Variants in ZNF831 observed in about 807,000 individuals in gnomAD.
ZNF831 encodes zinc finger protein 831, also known as chromosome 20 open reading frame 174.
ZNF831 carries 59 observed loss-of-function variants against 95.8 expected under a neutral mutation model. The ratio of observed to expected loss-of-function variants is 0.62; its 90% CI spans 0.50 to 0.77. ZNF831 has a LOEUF of 0.77. Among genes scored for constraint, ZNF831 ranks in the 30% least tolerant of loss-of-function variants. The probability of loss-of-function intolerance (pLI) is 0.00; values close to 1 mark genes in which losing one functional copy is unlikely to be tolerated. For synonymous variants in ZNF831, 961 were observed against 925.5 expected (o/e 1.04, Z -0.70); for missense variants, 2,205 against 2,164.0 (o/e 1.02, Z -0.38).
intron 4 of ZNF831, among the ~76,000 whole-genome samples, chr20:59,237,070 A>T (rs1047143779): frequency 6.6e-6 from 1 of 152,154 alleles, no homozygotes; most frequent in African/African-American, 2.4e-5. Context: ...ATCTTTTCCC[A>T]GTCTCATTTC....
At chr20:59,201,313 C>T (rs1465774335) in intron 3 of ZNF831, among the ~76,000 whole-genome samples, 7 of 152,162 alleles carry the variant, frequency 4.6e-5, no homozygotes, top group Middle Eastern at 6.8e-3. Context: ...AAATCTTTTG[C>T]GCATCAAAAA....
At chr20:59,240,526 G>A (rs1987266528) in intron 4 of ZNF831, among the ~76,000 whole-genome samples, 1 of 152,186 alleles carries the variant, frequency 6.6e-6, no homozygotes, top group African/African-American at 2.4e-5. Context: ...TAGGGGCCGG[G>A]CGCGGTGGCT....
chr20:59,195,701 T>C (rs1984047398), intron 2 of ZNF831, 168 bp from the exon 3 acceptor site: 8 of 916,196 alleles, frequency 8.7e-6, no homozygotes, highest in Non-Finnish European at 1.0e-5. Context: ...AGGAACGCTC[T>C]GCCGTTGCCT....
intron 4 of ZNF831, among the ~76,000 whole-genome samples, chr20:59,212,723 T>A (rs79853524): frequency 6.6e-6 from 1 of 152,172 alleles, no homozygotes; most frequent in Non-Finnish European, 1.5e-5. Flanking sequence ...AGATGTTCTT[T>A]ATGGAGCACT....
intron 2 of ZNF831, among the ~76,000 whole-genome samples, chr20:59,148,841 C>A (rs897587426): frequency 2.6e-5 from 4 of 152,066 alleles, no homozygotes; most frequent in African/African-American, 9.7e-5. Flanking sequence ...ACCTCAGACC[C>A]ACATACCTGG....
At position 59,194,624 on chromosome 20, in the gene ZNF831, C is replaced by A. The variant is rs768793455; in HGVS notation, c.3605C>A (p.Ala1202Glu). Residue 1202 changes from alanine to glutamate, a missense_variant, in exon 2 of 6, where the codon GCG (alanine) becomes GAG (glutamate). Coordinates refer to ENST00000371030, the MANE Select transcript of ZNF831 (RefSeq NM_178457.3). The stretch of plus-strand genomic sequence containing the variant: ...CTGCCCGCGGAGCAGAAGGCAAAGG[C>A]GGCATCTGTGTACTTGGCGGTGCAC... ...VPLPAEQKAK[A>E]ASVYLAVHFP... 6.2e-7 allele frequency: 1 copy of A among 1,613,506 alleles called. No individual in the cohort carries two copies. The highest frequency in any genetic ancestry group is 8.5e-7 in the Non-Finnish European group (1 of 1,179,828).
At position 59,191,008 on chromosome 20, in the gene ZNF831, A is replaced by G. The variant is rs2146541418; in HGVS notation, c.-12A>G. On this transcript the variant is annotated 5_prime_UTR_variant, in exon 2 of 6. Coordinates refer to ENST00000371030, the MANE Select transcript of ZNF831 (RefSeq NM_178457.3). ...GGTTTTCCAGCATTGTGGGCCATCC[A>G]GATGATGCGGAATGGAGGTTCCAGA... 1 of 1,473,642 alleles carries G rather than the reference A, an allele frequency of 6.8e-7. No homozygotes were observed. The highest frequency in any genetic ancestry group is 8.9e-7 in the Non-Finnish European group (1 of 1,120,936). The allele number at this position is 1,473,642 out of a possible 1,614,324, so 91.3% of individuals were successfully genotyped here. A position where few individuals can be genotyped will look rare whatever the true frequency, so the allele number is the denominator to read the frequency against.
intron 2 of ZNF831, among the ~76,000 whole-genome samples, chr20:59,157,017 A>G (rs1601308936): frequency 6.6e-6 from 1 of 152,342 alleles, no homozygotes. Context: ...TTTAATAACC[A>G]CATCAGGGTA....
intron 4 of ZNF831, among the ~76,000 whole-genome samples, chr20:59,209,514 A>G (rs1985142211): frequency 1.3e-5 from 2 of 152,184 alleles, no homozygotes; most frequent in South Asian, 2.1e-4. Context: ...GGGAGTTCAG[A>G]TAGAGTGTAG....
intron 1 of ZNF831, among the ~76,000 whole-genome samples, chr20:59,165,769 G>A (rs1425849111): frequency 6.7e-6 from 1 of 148,672 alleles, no homozygotes; most frequent in African/African-American, 2.5e-5. Flanking sequence ...TTTCTTTTTT[G>A]GAGCTGTAAT....
At chr20:59,190,344 C>T (rs1198747556) in intron 1 of ZNF831, among the ~76,000 whole-genome samples, 1 of 152,226 alleles carries the variant, frequency 6.6e-6, no homozygotes, top group Non-Finnish European at 1.5e-5. Flanking sequence ...ATATTTGGGA[C>T]ATACTCCCAC....
intron 3 of ZNF831, among the ~76,000 whole-genome samples, chr20:59,203,561 G>A (rs554664961): frequency 6.6e-6 from 1 of 152,286 alleles, no homozygotes; most frequent in East Asian, 1.9e-4. Flanking sequence ...GGCATACAAA[G>A]TCTAAAATAT....
chr20:59,254,290 C>T lies in ZNF831; in HGVS notation c.4581C>T (p.Ser1527=). The change falls in exon 6 of 6, where the codon AGC becomes AGT. Residue 1527 remains serine (S), a synonymous_variant. Transcript: ENST00000371030. This position sits in a 1 kb window ranked among gnomAD's most constrained non-coding sequence, Gnocchi z 4.5. The stretch of plus-strand genomic sequence containing the variant: ...CTGCAGGGAGGACTCTGACATCAAG[C>T]TCCCCAGACAGCAAAGTCACAGAAG... The part of the protein sequence containing the change: ...SQTAGRTLTS[S]SPDSKVTEEG... The T allele has an allele frequency of 3.1e-6, 5 of 1,614,022 alleles. No homozygotes were observed. The highest frequency in any genetic ancestry group is 1.1e-5 in the South Asian group (1 of 91,072).
rs2146773258 is a variant in ZNF831 at position 59,254,645 on chromosome 20, C to T, written c.4936C>T (p.Leu1646Phe). 1 of 1,614,112 alleles carries T rather than the reference C, an allele frequency of 6.2e-7. No individual in the cohort carries two copies. Among genetic ancestry groups the T allele is most frequent in the Non-Finnish European group, 8.5e-7 (1 of 1,180,046 alleles). ...AATTCCTGAAGCCCCTTCTAAATCC[C>T]TCAAGAAGAGGAGTCTGGAAGGAAT... ...IEIPEAPSKS[L>F]KKRSLEGMRK... The change falls in exon 6 of 6, where the codon CTC (leucine) becomes TTC (phenylalanine). Residue 1646 changes from leucine (L) to phenylalanine (F), a missense_variant. Physicochemically the swap from Leu to Phe is conservative, Grantham distance 22 (BLOSUM62 0). Transcript: ENST00000371030. The surrounding 1 kb of genome is among the most constrained non-coding windows in gnomAD (Gnocchi z 4.5).
In ZNF831 at chr20:59,254,883, C is replaced by A; in HGVS notation, c.*140C>A. ...AAGCCATTTTGAGTTATTTACAAGC[C>A]AACTCCAACCAACTTCTGACCCCCA... On this transcript the variant is annotated 3_prime_UTR_variant, in exon 6 of 6. Coordinates refer to ENST00000371030, the MANE Select transcript of ZNF831 (RefSeq NM_178457.3). The surrounding 1 kb of genome is among the most constrained non-coding windows in gnomAD (Gnocchi z 4.5). The A allele has an allele frequency of 2.6e-6, 3 of 1,167,980 alleles. No individual in the cohort carries two copies. Among genetic ancestry groups the A allele is most frequent in the Non-Finnish European group, 3.6e-6 (3 of 844,134 alleles). The allele number at this position is 1,167,980 out of a possible 1,614,324, so 72.4% of individuals were successfully genotyped here.
intron 4 of ZNF831, among the ~76,000 whole-genome samples, chr20:59,223,366 C>G (rs1459747794): frequency 6.6e-6 from 1 of 152,198 alleles, no homozygotes; most frequent in Non-Finnish European, 1.5e-5. Flanking sequence ...GTTCCTTCCT[C>G]TCCAGCTTGC....
In ZNF831 at chr20:59,258,948, G is replaced by A. The variant is rs1988299521; in HGVS notation, c.*4205G>A. 1 of 152,234 alleles carries A rather than the reference G, an allele frequency of 6.6e-6. No homozygotes were observed. The highest frequency in any genetic ancestry group is 1.5e-5 in the Non-Finnish European group (1 of 68,030). The allele number at this position is 152,234 out of a possible 1,614,324, so 9.4% of individuals were successfully genotyped here. On this transcript the variant is annotated 3_prime_UTR_variant, in exon 6 of 6. Coordinates refer to ENST00000371030, the MANE Select transcript of ZNF831 (RefSeq NM_178457.3). ...TCAGCCTCTGCCACTTGGAGCACTA[G>A]AGGATGACGGAATGTCTTGTATATG...
chr20:59,160,963 A>G (rs970366924), upstream of ZNF831: 3 of 152,202 alleles, frequency 2.0e-5, no homozygotes, highest in Non-Finnish European at 4.4e-5. Context: ...CAAGTTAACA[A>G]TTCTTTGGAA....
intron 3 of ZNF831, among the ~76,000 whole-genome samples, chr20:59,196,748 A>G (rs1984145769): frequency 6.6e-6 from 1 of 151,906 alleles, no homozygotes; most frequent in African/African-American, 2.4e-5. Context: ...TCAGTTGTCA[A>G]CCTGTCAACA....
Sources: allele counts gnomAD v4.1 joint callset (sites outside exome capture counted in the v4.1 genomes callset), GRCh38; gene constraint gnomAD v4.1.1; non-coding constraint Gnocchi (gnomAD v3.1); transcripts MANE v1.5; gene names NCBI Gene and HGNC (gene_info 2026-07-23, HGNC 2026-07-21).